LIN28B: variants seen among roughly 807,000 people sequenced by gnomAD.
LIN28B encodes the protein lin-28 RNA binding posttranscriptional regulator B, also known as protein lin-28 homolog B.
A neutral mutation model predicts 21.9 loss-of-function variants in LIN28B; 5 were observed. The observed-to-expected ratio is 0.23, with a 90% CI of 0.12 to 0.48. The LOEUF (loss-of-function observed/expected upper bound fraction) is 0.48. Ranked by LOEUF, LIN28B falls within the 20% of genes least tolerant of loss-of-function variation. The pLI, the probability that LIN28B is intolerant of heterozygous loss-of-function variation, is 0.98. For synonymous variants in LIN28B, 109 were observed against 111.3 expected (o/e 0.98, Z 0.13); for missense variants, 245 against 310.5 (o/e 0.79, Z 1.58).
chr6:105,066,172 C>CA (rs1375417840), intron 3 of LIN28B, among the ~76,000 whole-genome samples: 1 of 151,944 alleles, frequency 6.6e-6, no homozygotes, highest in Admixed American at 6.6e-5. Context: ...GACTCTGTCT[C>CA]AAAAAATAAT....
intron 2 of LIN28B, among the ~76,000 whole-genome samples, chr6:104,979,771 A>T (rs1327165036): frequency 6.6e-6 from 1 of 152,214 alleles, no homozygotes; most frequent in Non-Finnish European, 1.5e-5. Flanking sequence ...GTAGAGAAAC[A>T]CTATGCATTT....
chr6:105,003,585 T>C (rs1770758805), intron 2 of LIN28B, among the ~76,000 whole-genome samples: 2 of 152,116 alleles, frequency 1.3e-5, no homozygotes, highest in African/African-American at 4.8e-5. Context: ...CAATCTTGGC[T>C]CACTGCAACC....
intron 2 of LIN28B, among the ~76,000 whole-genome samples, chr6:105,020,877 C>T (rs150978395): frequency 1.8e-3 from 278 of 151,654 alleles, no homozygotes; most frequent in African/African-American, 6.4e-3. Context: ...CTCAGCTTCC[C>T]GAGTAGCTGG....
intron 3 of LIN28B, among the ~76,000 whole-genome samples, chr6:105,065,227 A>C (rs530521086): frequency 1.3e-5 from 2 of 152,318 alleles, no homozygotes; most frequent in East Asian, 3.9e-4. Context: ...GGCTTTAGTC[A>C]TAAAAAGATT....
At chr6:105,052,551 C>G (rs1271342089) in intron 3 of LIN28B, among the ~76,000 whole-genome samples, 1 of 152,150 alleles carries the variant, frequency 6.6e-6, no homozygotes, top group Non-Finnish European at 1.5e-5. Context: ...ACAGTGCCCC[C>G]ATGACCCAAA....
At chr6:104,986,154 C>G (rs1194937241) in intron 2 of LIN28B, among the ~76,000 whole-genome samples, 1 of 152,124 alleles carries the variant, frequency 6.6e-6, no homozygotes, top group Non-Finnish European at 1.5e-5. Context: ...CTCTCTTCCT[C>G]GTGCTCTAGC....
At chr6:105,049,574 G>A (rs1355793293) in intron 3 of LIN28B, among the ~76,000 whole-genome samples, 7 of 152,050 alleles carry the variant, frequency 4.6e-5, no homozygotes, top group South Asian at 2.1e-4. Flanking sequence ...TTTCTGTCTC[G>A]TTGATCTGTC....
intron 2 of LIN28B, among the ~76,000 whole-genome samples, chr6:104,995,540 A>G (rs1458943416): frequency 1.3e-5 from 2 of 152,174 alleles, no homozygotes; most frequent in Non-Finnish European, 2.9e-5. Context: ...TTCTAGTTAT[A>G]GATATGGGAA....
In LIN28B at chr6:104,988,678, T is replaced by C. The variant is rs113546879; in HGVS notation, c.198+30392T>C. On this transcript the variant is annotated intron_variant, in intron 2 of 3. Transcript: ENST00000345080. The stretch of plus-strand genomic sequence containing the variant: ...CCTCCGCCTCCCAGGTTCAAGTGAT[T>C]CTCCTGCCTCCGCCTCCGCTTTGCG... 6.2e-3 allele frequency among the ~76,000 whole-genome samples: 944 copies of C among 152,004 alleles called. 9 individuals are homozygous for C. The highest frequency in any genetic ancestry group is 0.022 in the African/African-American group (903 of 41,454).
chr6:105,081,046 CTA>C lies in LIN28B; in HGVS notation c.*2265_*2266del, dbSNP rs1487127315. The C allele has an allele frequency of 1.3e-5, 2 of 152,656 alleles. No individual in the cohort carries two copies. Among genetic ancestry groups the C allele is most frequent in the Non-Finnish European group, 2.9e-5 (2 of 68,012 alleles). The allele number at this position is 152,656 out of a possible 1,614,324, so 9.5% of individuals were successfully genotyped here. A position where few individuals can be genotyped will look rare whatever the true frequency, so the allele number is the denominator to read the frequency against. ...ACTAAACTAAGAGCACATACCAAAC[CTA>C]TCTTATGGTTGAAAGTTGGGGTTTA... On this transcript the variant is annotated 3_prime_UTR_variant, in exon 4 of 4. Coordinates refer to ENST00000345080, the MANE Select transcript of LIN28B (RefSeq NM_001004317.4).
intron 3 of LIN28B, among the ~76,000 whole-genome samples, chr6:105,058,985 ATC>A (rs1223466099): frequency 2.0e-5 from 3 of 152,138 alleles, no homozygotes; most frequent in Non-Finnish European, 4.4e-5. Context: ...CCCTAGGAAG[ATC>A]TGTTTCCTAA....
intron 2 of LIN28B, among the ~76,000 whole-genome samples, chr6:105,002,454 G>A (rs147159728): frequency 6.6e-6 from 1 of 152,150 alleles, no homozygotes; most frequent in East Asian, 1.9e-4. Flanking sequence ...ATAACTCTAG[G>A]ACTGCATTAT....
At chr6:105,059,588 C>T (rs1268153892) in intron 3 of LIN28B, among the ~76,000 whole-genome samples, 1 of 152,046 alleles carries the variant, frequency 6.6e-6, no homozygotes, top group East Asian at 1.9e-4. Context: ...TAAGATTTGA[C>T]AAAAAATTGA....
At chr6:105,017,785 G>T (rs1771058596) in intron 2 of LIN28B, among the ~76,000 whole-genome samples, 1 of 151,956 alleles carries the variant, frequency 6.6e-6, no homozygotes, top group Admixed American at 6.6e-5. Flanking sequence ...CTAACTATTG[G>T]GTAATATGCT....
chr6:104,946,460 A>G (rs1363340444), intron 2 of LIN28B, among the ~76,000 whole-genome samples: 2 of 152,162 alleles, frequency 1.3e-5, no homozygotes, highest in Non-Finnish European at 2.9e-5. Context: ...AAGGTTTGTA[A>G]TAGATATTAA....
chr6:105,023,886 A>G (rs1361740679), intron 2 of LIN28B, among the ~76,000 whole-genome samples: 1 of 151,224 alleles, frequency 6.6e-6, no homozygotes, highest in Admixed American at 6.6e-5. Context: ...GTGAAAGTAT[A>G]CCAGCTTAAT....
chr6:104,993,740 C>T (rs576149570), intron 2 of LIN28B, among the ~76,000 whole-genome samples: 8 of 150,192 alleles, frequency 5.3e-5, no homozygotes, highest in African/African-American at 1.7e-4. Context: ...GAGGCTGAGG[C>T]ACAAGAATCC....
chr6:105,041,328 GT>G (rs1168012517), intron 3 of LIN28B, among the ~76,000 whole-genome samples: 2 of 152,050 alleles, frequency 1.3e-5, no homozygotes, highest in African/African-American at 2.4e-5. Flanking sequence ...AATTTTGCCT[GT>G]TTTTTGTTTC....
At chr6:104,993,801 C>T (rs1770543305) in intron 2 of LIN28B, among the ~76,000 whole-genome samples, 1 of 145,150 alleles carries the variant, frequency 6.9e-6, no homozygotes, top group Non-Finnish European at 1.5e-5. Flanking sequence ...AGTCACTGCA[C>T]TTCCAGCCTG....
Sources: allele counts gnomAD v4.1 joint callset (sites outside exome capture counted in the v4.1 genomes callset), GRCh38; gene constraint gnomAD v4.1.1; transcripts MANE v1.5; gene names NCBI Gene and HGNC (gene_info 2026-07-23, HGNC 2026-07-21).